VPS13B: variants seen among roughly 807,000 people sequenced by gnomAD.
VPS13B encodes the protein vacuolar protein sorting 13 homolog B, also known as intermembrane lipid transfer protein VPS13B.
In VPS13B, 285 loss-of-function variants were observed where a neutral mutation model predicts 426.4. That is an observed-to-expected ratio of 0.67 (90% confidence interval 0.61 to 0.74). VPS13B has a LOEUF of 0.74. VPS13B is among the 30% of genes least tolerant of loss of function. The probability of loss-of-function intolerance (pLI) is 0.00; values close to 1 mark genes in which losing one functional copy is unlikely to be tolerated. For synonymous variants in VPS13B, 1,676 were observed against 1,676.4 expected (o/e 1.00, Z 0.01); for missense variants, 4,537 against 4,782.6 (o/e 0.95, Z 1.51).
chr8:99,744,259 C>G (rs1391170611), intron 39 of VPS13B, among the ~76,000 whole-genome samples: 1 of 152,156 alleles, frequency 6.6e-6, no homozygotes, highest in Non-Finnish European at 1.5e-5. Context: ...CAAATCAAAA[C>G]CACAGTGAGA....
At chr8:99,085,369 C>G (rs919958052) in intron 3 of VPS13B, among the ~76,000 whole-genome samples, 1 of 152,126 alleles carries the variant, frequency 6.6e-6, no homozygotes, top group African/African-American at 2.4e-5. Context: ...GATGGGTTTC[C>G]TGAATACAGC....
chr8:99,772,290 G>A (rs2130647197), intron 40 of VPS13B, among the ~76,000 whole-genome samples: 1 of 151,852 alleles, frequency 6.6e-6, no homozygotes, highest in African/African-American at 2.4e-5. Context: ...ACAAACTGGA[G>A]CACATTCATG....
intron 19 of VPS13B, among the ~76,000 whole-genome samples, chr8:99,332,005 T>A (rs1563672075): frequency 6.6e-6 from 1 of 151,772 alleles, no homozygotes; most frequent in Non-Finnish European, 1.5e-5. Flanking sequence ...AATCATTTTT[T>A]CAGAAATTTG....
intron 51 of VPS13B, among the ~76,000 whole-genome samples, chr8:99,827,390 G>A (rs986720826): frequency 6.6e-6 from 1 of 151,956 alleles, no homozygotes; most frequent in African/African-American, 2.4e-5. Context: ...ATGGTAGTTT[G>A]TATTTCTGTG....
At chr8:99,437,900 A>C (rs1370834040) in intron 22 of VPS13B, among the ~76,000 whole-genome samples, 1 of 152,038 alleles carries the variant, frequency 6.6e-6, no homozygotes, top group East Asian at 1.9e-4. Flanking sequence ...ATAAAATAGA[A>C]ATGTGCTGGC....
intron 22 of VPS13B, among the ~76,000 whole-genome samples, chr8:99,436,880 A>G (rs919593880): frequency 1.3e-5 from 2 of 152,054 alleles, no homozygotes; most frequent in African/African-American, 4.8e-5. Context: ...CTGGGACTAC[A>G]GGTGCCCGCC....
chr8:99,804,428 A>G (rs1283213012), intron 43 of VPS13B: 4 of 152,178 alleles, frequency 2.6e-5, no homozygotes, highest in African/African-American at 4.8e-5. Context: ...ACCTCCTATC[A>G]AGTATCTGGC....
At chr8:99,562,880 T>G (rs1825004588) in intron 31 of VPS13B, among the ~76,000 whole-genome samples, 1 of 152,070 alleles carries the variant, frequency 6.6e-6, no homozygotes, top group African/African-American at 2.4e-5. Context: ...TTAACAGAAT[T>G]TTGATGGCTC....
intron 21 of VPS13B, among the ~76,000 whole-genome samples, chr8:99,421,061 G>A (rs916501898): frequency 6.6e-6 from 1 of 151,916 alleles, no homozygotes; most frequent in Admixed American, 6.6e-5. Context: ...TAACTTTAAG[G>A]TGGAAGTCGG....
chr8:99,237,610 A>G (rs1816709111), intron 17 of VPS13B, among the ~76,000 whole-genome samples: 1 of 152,142 alleles, frequency 6.6e-6, no homozygotes. Flanking sequence ...TTTTTGGATA[A>G]TAGGCTATAC....
chr8:99,187,229 G>A (rs377214679), intron 16 of VPS13B, among the ~76,000 whole-genome samples: 1 of 151,966 alleles, frequency 6.6e-6, no homozygotes, highest in Non-Finnish European at 1.5e-5. Context: ...AGGGGCGGGG[G>A]GCGGTTCAGG....
At chr8:99,710,866 A>C (rs1183376676) in intron 36 of VPS13B, among the ~76,000 whole-genome samples, 1 of 148,764 alleles carries the variant, frequency 6.7e-6, no homozygotes. Context: ...TCAGCTGGGC[A>C]TGGTGGTGTG....
chr8:99,688,663 C>T lies in VPS13B; in HGVS notation c.6047-10862C>T, dbSNP rs113622696. Among the ~76,000 whole-genome samples the T allele has an allele frequency of 1.9e-3, 292 of 152,146 alleles. 6 individuals carry two copies. The highest frequency in any genetic ancestry group is 6.6e-3 in the African/African-American group (274 of 41,418). On this transcript the variant is annotated intron_variant, in intron 35 of 61. Coordinates refer to ENST00000357162, the MANE Select transcript of VPS13B (RefSeq NM_152564.5). ...ACAGACTTGCATTCACTCATATTTT[C>T]TTCATTACATCATTAAACATTGTGG...
intron 31 of VPS13B, among the ~76,000 whole-genome samples, chr8:99,564,221 A>G (rs528279455): frequency 6.6e-6 from 1 of 152,320 alleles, no homozygotes; most frequent in South Asian, 2.1e-4. Context: ...GGTTTAATTA[A>G]GGCAGCAGAA....
intron 39 of VPS13B, among the ~76,000 whole-genome samples, chr8:99,752,407 T>C (rs78726604): frequency 0.013 from 2,023 of 152,294 alleles, 20 homozygotes; most frequent in Non-Finnish European, 0.021. Context: ...CACCTGTTTT[T>C]GTAAATAAAA....
chr8:99,053,889 A>C (rs1843695546), intron 3 of VPS13B, among the ~76,000 whole-genome samples: 1 of 152,022 alleles, frequency 6.6e-6, no homozygotes, highest in Admixed American at 6.6e-5. Flanking sequence ...TTTTTAGTAG[A>C]GACTGGGTTT....
chr8:99,393,757 A>C (rs1054907431), intron 21 of VPS13B, among the ~76,000 whole-genome samples: 2 of 152,112 alleles, frequency 1.3e-5, no homozygotes, highest in Admixed American at 6.6e-5. Context: ...TTGGGTGCCC[A>C]CTATTTTTAA....
chr8:99,866,026 G>A (rs539414770), intron 58 of VPS13B, among the ~76,000 whole-genome samples: 11 of 152,292 alleles, frequency 7.2e-5, no homozygotes, highest in South Asian at 4.1e-4. Flanking sequence ...TGTGTCCTGC[G>A]GGGTGCAGCA....
intron 43 of VPS13B, among the ~76,000 whole-genome samples, chr8:99,793,412 A>G (rs1812661704): frequency 6.6e-6 from 1 of 151,968 alleles, no homozygotes; most frequent in Admixed American, 6.6e-5. Context: ...TACCTACCAC[A>G]CATTAGGAGA....
Sources: allele counts gnomAD v4.1 joint callset (sites outside exome capture counted in the v4.1 genomes callset), GRCh38; gene constraint gnomAD v4.1.1; transcripts MANE v1.5; gene names NCBI Gene and HGNC (gene_info 2026-07-23, HGNC 2026-07-21).